Variants in GPHN observed in about 807,000 individuals in gnomAD.
The protein encoded by GPHN is gephyrin.
Under a neutral mutation model 95.5 loss-of-function variants are expected in GPHN, and 17 were observed. That is an observed-to-expected ratio of 0.18 (90% CI 0.12 to 0.27). The LOEUF (loss-of-function observed/expected upper bound fraction) is 0.27. GPHN is among the 10% of genes least tolerant of loss of function. The pLI, the probability that GPHN is intolerant of heterozygous loss-of-function variation, is 1.00. For synonymous variants in GPHN, 320 were observed against 322.5 expected, an observed-to-expected ratio of 0.99 and a Z score of 0.08; for missense variants, 660 against 978.1, an observed-to-expected ratio of 0.67 and a Z score of 4.34.
At position 66,548,024 on chromosome 14, in the gene GPHN, A is replaced by T. The variant is rs188688913; in HGVS notation, c.64+39433A>T. 1.3e-4 allele frequency among the ~76,000 whole-genome samples: 20 copies of T among 152,108 alleles called. 1 individual carries two copies. The highest frequency in any genetic ancestry group is 4.6e-4 in the African/African-American group (19 of 41,490). On this transcript the variant is annotated intron_variant, in intron 1 of 22. Transcript: ENST00000478722. ...GAAGGTTTGTGGCAACCTTTTATCC[A>T]GCAGACTTGTTGGTATCATTTTTTT...
the GPHN span, among the ~76,000 whole-genome samples, chr14:67,680,297 C>T: frequency 1.3e-5 from 2 of 152,216 alleles, no homozygotes; most frequent in Non-Finnish European, 2.9e-5. Flanking sequence ...TCAGTGAGAA[C>T]CACAAGGCTC....
intron 10 of GPHN, among the ~76,000 whole-genome samples, chr14:67,038,041 T>C (rs531583177): frequency 2.5e-4 from 38 of 152,150 alleles, no homozygotes; most frequent in Non-Finnish European, 4.9e-4. Flanking sequence ...AGCCAAGATA[T>C]GAAAGTAATC....
At chr14:66,585,684 T>C (rs2061391062) in intron 1 of GPHN, among the ~76,000 whole-genome samples, 1 of 152,184 alleles carries the variant, frequency 6.6e-6, no homozygotes, top group South Asian at 2.1e-4. Flanking sequence ...TCAGTTTCCA[T>C]GTAGTTGAGC....
At chr14:67,500,549 T>G in the GPHN span, among the ~76,000 whole-genome samples, 23 of 152,034 alleles carry the variant, frequency 1.5e-4, no homozygotes, top group African/African-American at 5.1e-4. Flanking sequence ...TGTGTTGCTT[T>G]TATGATTTTC....
intron 1 of GPHN, among the ~76,000 whole-genome samples, chr14:66,566,420 G>C (rs926702313): frequency 8.5e-5 from 13 of 152,110 alleles, no homozygotes; most frequent in African/African-American, 1.7e-4. Flanking sequence ...GAGGACAGCT[G>C]TGCTGTTTTA....
the GPHN span, among the ~76,000 whole-genome samples, chr14:67,429,191 T>C: frequency 6.6e-6 from 1 of 151,856 alleles, no homozygotes; most frequent in Non-Finnish European, 1.5e-5. Context: ...GGCTCATGCC[T>C]GTAATCCCAG....
At chr14:66,679,577 T>G (rs1389158964) in intron 1 of GPHN, among the ~76,000 whole-genome samples, 1 of 152,224 alleles carries the variant, frequency 6.6e-6, no homozygotes, top group African/African-American at 2.4e-5. Context: ...GGAATTATAT[T>G]TGTGTTGAAG....
chr14:67,323,261 G>GTGTATA, the GPHN span, among the ~76,000 whole-genome samples: 31 of 124,138 alleles, frequency 2.5e-4, no homozygotes, highest in African/African-American at 7.7e-4. Flanking sequence ...GTGTGTGTGT[G>GTGTATA]TATATATATA....
intron 1 of GPHN, among the ~76,000 whole-genome samples, chr14:66,643,060 A>G (rs989768750): frequency 6.6e-6 from 1 of 152,130 alleles, no homozygotes; most frequent in African/African-American, 2.4e-5. Flanking sequence ...ATATCCAACA[A>G]AGGACTCATA....
chr14:66,521,840 A>C (rs1388033743), intron 1 of GPHN, among the ~76,000 whole-genome samples: 14 of 152,296 alleles, frequency 9.2e-5, no homozygotes, highest in African/African-American at 2.2e-4. Context: ...GAACAAGGGA[A>C]GTCTTTAAAA....
the GPHN span, chr14:67,270,767 G>A: frequency 6.6e-6 from 1 of 152,056 alleles, no homozygotes; most frequent in South Asian, 2.1e-4. Flanking sequence ...TTTAATTCTG[G>A]AAGAACTTTA....
chr14:67,046,614 T>A (rs2075032970), intron 10 of GPHN, among the ~76,000 whole-genome samples: 1 of 152,222 alleles, frequency 6.6e-6, no homozygotes, highest in Non-Finnish European at 1.5e-5. Flanking sequence ...TACAGAAATC[T>A]CAGGAGAACT....
At chr14:66,810,810 T>C (rs2060730589) in intron 3 of GPHN, among the ~76,000 whole-genome samples, 1 of 152,166 alleles carries the variant, frequency 6.6e-6, no homozygotes, top group African/African-American at 2.4e-5. Context: ...GTGGTCCATG[T>C]TTCAATAACT....
At chr14:67,672,424 T>A in the GPHN span, among the ~76,000 whole-genome samples, 7 of 147,954 alleles carry the variant, frequency 4.7e-5, no homozygotes, top group Middle Eastern at 3.3e-3. Context: ...TGGCCTGCAG[T>A]CTACTTTTTT....
At chr14:66,925,856 C>T (rs1567110576) in intron 8 of GPHN, among the ~76,000 whole-genome samples, 1 of 152,208 alleles carries the variant, frequency 6.6e-6, no homozygotes, top group Non-Finnish European at 1.5e-5. Context: ...TGCCAATTTA[C>T]ATTCCCACCA....
the GPHN span, among the ~76,000 whole-genome samples, chr14:67,297,292 A>C: frequency 3.9e-5 from 6 of 152,236 alleles, no homozygotes; most frequent in Non-Finnish European, 8.8e-5. Context: ...GAAGTTGTAT[A>C]GGAACAGGGA....
intron 8 of GPHN, among the ~76,000 whole-genome samples, chr14:66,945,299 T>G (rs1372951442): frequency 6.6e-6 from 1 of 152,194 alleles, no homozygotes; most frequent in Non-Finnish European, 1.5e-5. Context: ...CCCAGGCTCC[T>G]CCCCACTGCA....
At chr14:66,533,116 A>C (rs2059008329) in intron 1 of GPHN, among the ~76,000 whole-genome samples, 3 of 152,222 alleles carry the variant, frequency 2.0e-5, no homozygotes, top group Non-Finnish European at 2.9e-5. Context: ...TAATTAATAA[A>C]TGTTTTTTTC....
chr14:66,936,551 G>A (rs1418237300), intron 8 of GPHN, among the ~76,000 whole-genome samples: 2 of 152,188 alleles, frequency 1.3e-5, no homozygotes, highest in Non-Finnish European at 2.9e-5. Context: ...TGTGGAGTAA[G>A]AAGAATATAT....
Sources: gnomAD v4.1 joint callset for allele counts (sites outside exome capture counted in the v4.1 genomes callset) on GRCh38, gnomAD v4.1.1 for gene constraint, MANE v1.5 for transcripts, NCBI Gene and HGNC (gene_info 2026-07-23, HGNC 2026-07-21) for gene names.